BTBD16: variants seen among roughly 807,000 people sequenced by gnomAD.
BTBD16 encodes BTB/POZ domain-containing protein 16.
BTBD16 carries 66 observed loss-of-function variants against 67.4 expected under a neutral mutation model. The ratio of observed to expected loss-of-function variants is 0.98; its 90% CI spans 0.80 to 1.20. The LOEUF is 1.20. BTBD16 is among the 50% of genes most tolerant of loss of function. BTBD16 has a pLI of 0.00. For synonymous variants in BTBD16, 242 were observed against 236.4 expected (o/e 1.02, Z -0.22); for missense variants, 634 against 616.0 (o/e 1.03, Z -0.31).
chr10:122,299,289 G>C (rs1166277276), intron 9 of BTBD16, among the ~76,000 whole-genome samples, 155 bp downstream of exon 9: 1 of 152,246 alleles, frequency 6.6e-6, no homozygotes, highest in Admixed American at 6.5e-5. Flanking sequence ...TGGAACTCAG[G>C]GTGCTGTGTG....
At chr10:122,306,112 T>C (rs1313332123) in intron 9 of BTBD16, among the ~76,000 whole-genome samples, 1 of 152,000 alleles carries the variant, frequency 6.6e-6, no homozygotes, top group Non-Finnish European at 1.5e-5. Context: ...ACCTTGTAAA[T>C]GTGAAGAGGG....
At chr10:122,286,835 C>T (rs1452127541) in intron 5 of BTBD16, among the ~76,000 whole-genome samples, 3 of 152,170 alleles carry the variant, frequency 2.0e-5, no homozygotes, top group Non-Finnish European at 2.9e-5. Flanking sequence ...ACCCCAGCCT[C>T]CTCTCACCTG....
At chr10:122,300,372 C>T (rs371800700) in intron 9 of BTBD16, among the ~76,000 whole-genome samples, 24 of 151,824 alleles carry the variant, frequency 1.6e-4, no homozygotes, top group African/African-American at 5.3e-4. Flanking sequence ...AATATATACA[C>T]AATAATGCAT....
intron 1 of BTBD16, among the ~76,000 whole-genome samples, chr10:122,273,350 G>A (rs1388717360): frequency 6.6e-6 from 1 of 151,656 alleles, no homozygotes; most frequent in African/African-American, 2.4e-5. Context: ...TATGCATATT[G>A]TTCCCATTGT....
intron 10 of BTBD16, among the ~76,000 whole-genome samples, chr10:122,310,971 C>T (rs1590078461): frequency 1.3e-5 from 2 of 152,208 alleles, no homozygotes; most frequent in East Asian, 1.9e-4. Context: ...ATGAGTCAGA[C>T]GCCCCTTTCC....
chr10:122,287,534 A>G (rs1238690447), intron 5 of BTBD16: 6 of 952,896 alleles, frequency 6.3e-6, no homozygotes, highest in African/African-American at 3.5e-5. Context: ...GACTGTCACA[A>G]CTCCAGGGTC....
At chr10:122,295,302 C>G (rs1336919055) in intron 7 of BTBD16, 1 of 985,230 alleles carries the variant, frequency 1.0e-6, no homozygotes, top group African/African-American at 1.7e-5. Context: ...TTACAGCAGT[C>G]AAAGGGGGAG....
chr10:122,327,478 G>T (rs542043529), intron 10 of BTBD16: 4 of 510,158 alleles, frequency 7.8e-6, no homozygotes, highest in Non-Finnish European at 1.0e-5. Context: ...TGTGGCTACT[G>T]CTCCCACTTG....
chr10:122,284,176 C>A (rs971224123), intron 4 of BTBD16, among the ~76,000 whole-genome samples: 1 of 152,132 alleles, frequency 6.6e-6, no homozygotes, highest in African/African-American at 2.4e-5. Flanking sequence ...GTGTTGATGT[C>A]AATAAATAGC....
Position 122,290,006 on chromosome 10 carries a change from T to C in BTBD16, c.475+8T>C, listed in dbSNP as rs1199716755. The C allele has an allele frequency of 2.0e-6, 3 of 1,522,948 alleles. No homozygotes were observed. Among genetic ancestry groups the C allele is most frequent in the South Asian group, 2.3e-5 (2 of 87,446 alleles). 94.3% of individuals were successfully genotyped at this position (1,522,948 alleles called of 1,614,324 possible). A position where few individuals can be genotyped will look rare whatever the true frequency, so the allele number is the denominator to read the frequency against. ...CACTGGTCACTAAAGTCGGTATGTA[T>C]ATACCCGTCTATATTCTGAGAATGC... On this transcript the variant is annotated splice_region_variant and intron_variant, in intron 6 of 15. Transcript: ENST00000260723.
At chr10:122,280,054 G>A (rs187174417) in intron 3 of BTBD16, among the ~76,000 whole-genome samples, 45 of 152,266 alleles carry the variant, frequency 3.0e-4, no homozygotes, top group Admixed American at 1.6e-3. Flanking sequence ...GCTGCTGATC[G>A]TCTTACCTTG....
intron 3 of BTBD16, among the ~76,000 whole-genome samples, chr10:122,282,263 C>T (rs566093862): frequency 6.6e-6 from 1 of 152,306 alleles, no homozygotes; most frequent in South Asian, 2.1e-4. Context: ...TCTTTCCAGA[C>T]GTGTCACCCA....
chr10:122,307,887 C>T (rs746236358), intron 10 of BTBD16, among the ~76,000 whole-genome samples: 5 of 152,272 alleles, frequency 3.3e-5, no homozygotes, highest in South Asian at 2.1e-4. Context: ...TTTTGAAGCA[C>T]GTAATTCATT....
intron 9 of BTBD16, among the ~76,000 whole-genome samples, chr10:122,306,660 G>T (rs947699325): frequency 1.3e-5 from 2 of 152,172 alleles, no homozygotes; most frequent in Admixed American, 6.5e-5. Context: ...AGGCACCTTG[G>T]TGCGAAATTT....
chr10:122,325,392 G>A (rs1462136019), intron 10 of BTBD16, among the ~76,000 whole-genome samples: 4 of 152,154 alleles, frequency 2.6e-5, no homozygotes, highest in African/African-American at 9.7e-5. Flanking sequence ...GAAGAAGTCA[G>A]CCCCGAGTCT....
Position 122,299,110 on chromosome 10 carries a change from T to C in BTBD16, c.767T>C (p.Leu256Pro). The C allele has an allele frequency of 1.2e-6, 2 of 1,613,894 alleles. No individual in the cohort carries two copies. The highest frequency in any genetic ancestry group is 1.7e-6 in the Non-Finnish European group (2 of 1,179,942). Residue 256 changes from leucine (L) to proline (P), a missense_variant, in exon 9 of 16, where the codon CTC (leucine) becomes CCC (proline). Transcript: ENST00000260723. ...IHLHKIPQDL[L>P]HKVLKSPRLF... is the part of the protein sequence containing the mutation. ...CTCCACAAAATCCCACAGGACCTGC[T>C]CCACAAAGTGCTGAAGTCCCCCAGG...
Position 122,319,799 on chromosome 10 carries a change from C to CA in BTBD16, c.912-9679dup, listed in dbSNP as rs774204349. ...TAAGGATTGTCTTCAATGTACAGGCCAATTTGGGAAGAATTTACATCTTAA... is the reference window on the plus strand; with the variant it reads ...TAAGGATTGTCTTCAATGTACAGGCCAAATTTGGGAAGAATTTACATCTTAA... On this transcript the variant is annotated intron_variant, in intron 10 of 15. Coordinates refer to ENST00000260723, the MANE Select transcript of BTBD16 (RefSeq NM_144587.5). Among the ~76,000 whole-genome samples, 129 of 151,918 alleles carry CA rather than the reference C, an allele frequency of 8.5e-4. 1 individual carries two copies. The highest frequency in any genetic ancestry group is 1.5e-3 in the Non-Finnish European group (105 of 67,942).
chr10:122,301,156 A>C (rs984575909), intron 9 of BTBD16, among the ~76,000 whole-genome samples: 1 of 152,080 alleles, frequency 6.6e-6, no homozygotes, highest in Non-Finnish European at 1.5e-5. Flanking sequence ...AAGGTTGCGC[A>C]ATTGTTGAGG....
chr10:122,336,954 T>C (rs1310747672), intron 15 of BTBD16, among the ~76,000 whole-genome samples: 1 of 152,212 alleles, frequency 6.6e-6, no homozygotes, highest in Non-Finnish European at 1.5e-5. Flanking sequence ...AAAGGGTATT[T>C]TTTTTTTAGG....
Sources: allele counts gnomAD v4.1 joint callset (sites outside exome capture counted in the v4.1 genomes callset), GRCh38; gene constraint gnomAD v4.1.1; transcripts MANE v1.5; gene names NCBI Gene and HGNC (gene_info 2026-07-23, HGNC 2026-07-21).